MAST2: variants seen among roughly 807,000 people sequenced by gnomAD.
MAST2 encodes the protein microtubule associated serine/threonine kinase 2.
MAST2 carries 70 observed loss-of-function variants against 147.4 expected under a neutral mutation model. The ratio of observed to expected loss-of-function variants is 0.47; its 90% CI spans 0.39 to 0.58. The LOEUF (loss-of-function observed/expected upper bound fraction) is 0.58. MAST2 is among the 20% of genes least tolerant of loss of function. The pLI is 0.00. For missense variants in MAST2, 2,080 were observed against 2,302.3 expected (o/e 0.90, Z 1.98); for synonymous variants, 869 against 896.8 (o/e 0.97, Z 0.55).
At chr1:46,030,094 G>A (rs751145401) in intron 20 of MAST2, 35 bp from the exon 21 acceptor site, 2 of 1,610,178 alleles carry the variant, frequency 1.2e-6, no homozygotes, top group Non-Finnish European at 1.7e-6. Context: ...CACCAGCAGG[G>A]CTCTGAAGGA....
rs1214724338 is a variant in MAST2, at chr1:45,809,417, C to T, written c.177+5345C>T. ...CCAGCACTTTGGGAGGTTGAGCAGG[C>T]GGGTTGCTTGAGCTCAGGAGTTTGA... On this transcript the variant is annotated intron_variant, in intron 1 of 28. Coordinates refer to ENST00000361297, the MANE Select transcript of MAST2 (RefSeq NM_015112.3). Among the ~76,000 whole-genome samples, 8 of 152,162 alleles carry T rather than the reference C, an allele frequency of 5.3e-5. No homozygotes were observed. The South Asian group carries it at 8.3e-4, about 16-fold the overall frequency.
chr1:46,032,588 TG>T lies in MAST2; in HGVS notation c.3415-6del. On this transcript the variant is annotated splice_polypyrimidine_tract_variant and splice_region_variant and intron_variant, in intron 25 of 28. Coordinates refer to ENST00000361297, the MANE Select transcript of MAST2 (RefSeq NM_015112.3). ...TCCAGTCTGAGTACTGTTCTCTTCC[TG>T]GCACAGCACGTGGAGGATGGAGGTC... The T allele has an allele frequency of 6.2e-7, 1 of 1,613,748 alleles. No individual in the cohort carries two copies. Among genetic ancestry groups the T allele is most frequent in the Non-Finnish European group, 8.5e-7 (1 of 1,179,742 alleles).
chr1:45,829,524 G>A lies in MAST2; in HGVS notation c.411G>A (p.Leu137=). ...TWQSSGEASN[L]VRMRNQSLGQ... ...AGTCGTCAGGAGAAGCATCAAACCT[G>A]GTTCGAATGAGAAACCAGTCCCTTG... is the stretch of plus-strand genomic sequence containing the variant. The change falls in exon 3 of 29, where the codon CTG becomes CTA. Residue 137 remains leucine, a synonymous_variant. Coordinates refer to ENST00000361297, the MANE Select transcript of MAST2 (RefSeq NM_015112.3). 3.7e-6 allele frequency: 6 copies of A among 1,614,106 alleles called. No homozygotes were observed. Among genetic ancestry groups the A allele is most frequent in the Non-Finnish European group, 5.1e-6 (6 of 1,180,000 alleles).
intron 3 of MAST2, among the ~76,000 whole-genome samples, chr1:45,880,933 G>A (rs536977095): frequency 6.9e-6 from 1 of 145,336 alleles, no homozygotes; most frequent in African/African-American, 2.6e-5. Flanking sequence ...AACCGAGATC[G>A]GCCAGCCTGG....
intron 7 of MAST2, among the ~76,000 whole-genome samples, chr1:46,005,356 C>G (rs1323550584): frequency 1.4e-5 from 2 of 147,848 alleles, no homozygotes; most frequent in Admixed American, 1.3e-4. Context: ...GAGCGAAACT[C>G]TGTCTCAAAA....
intron 3 of MAST2, among the ~76,000 whole-genome samples, chr1:45,845,658 G>T (rs1293771781): frequency 6.6e-5 from 10 of 152,084 alleles, no homozygotes; most frequent in Non-Finnish European, 1.2e-4. Flanking sequence ...AAATCACTGG[G>T]TCTCTAATCT....
At chr1:45,990,062 A>G (rs1644800869) in intron 5 of MAST2, among the ~76,000 whole-genome samples, 2 of 152,202 alleles carry the variant, frequency 1.3e-5, no homozygotes, top group Admixed American at 6.5e-5. Context: ...GTTTTTGTGT[A>G]GACAAGTTTT....
intron 4 of MAST2, among the ~76,000 whole-genome samples, chr1:45,905,789 T>A (rs538460310): frequency 1.4e-3 from 205 of 144,492 alleles, no homozygotes; most frequent in Middle Eastern, 7.2e-3. Context: ...AAAAAAAAAA[T>A]GCCAAACTTA....
chr1:45,908,504 A>G (rs1196144481), intron 4 of MAST2, among the ~76,000 whole-genome samples: 1 of 152,100 alleles, frequency 6.6e-6, no homozygotes, highest in African/African-American at 2.4e-5. Flanking sequence ...AATTCAAAAT[A>G]TTTTCTAATT....
At chr1:45,891,576 A>G (rs908416559) in intron 4 of MAST2, among the ~76,000 whole-genome samples, 2 of 152,216 alleles carry the variant, frequency 1.3e-5, no homozygotes, top group Non-Finnish European at 2.9e-5. Flanking sequence ...AAGACAAACT[A>G]GAAGAGTATT....
intron 1 of MAST2, among the ~76,000 whole-genome samples, chr1:45,821,699 A>G (rs4994390): frequency 0.33 from 50,003 of 149,838 alleles, 8,624 homozygotes; most frequent in African/African-American, 0.41. Flanking sequence ...TTGTATTTTT[A>G]TTAGAGACGG....
At chr1:45,981,917 C>G (rs543165688) in intron 5 of MAST2, among the ~76,000 whole-genome samples, 5 of 151,090 alleles carry the variant, frequency 3.3e-5, no homozygotes, top group African/African-American at 1.2e-4. Flanking sequence ...CTCAGCTCAC[C>G]GCAACCTCTA....
intron 4 of MAST2, among the ~76,000 whole-genome samples, chr1:45,950,542 G>A (rs1403073995): frequency 6.6e-6 from 1 of 152,120 alleles, no homozygotes; most frequent in Non-Finnish European, 1.5e-5. Context: ...ACTGAAATTG[G>A]GGGTTGGAGT....
chr1:45,981,191 C>T (rs1350243498), intron 5 of MAST2, among the ~76,000 whole-genome samples: 1 of 152,122 alleles, frequency 6.6e-6, no homozygotes, highest in Admixed American at 6.5e-5. Flanking sequence ...CCCACCTCAG[C>T]CTCCTGAGTA....
intron 3 of MAST2, among the ~76,000 whole-genome samples, chr1:45,842,471 C>T (rs1216188568): frequency 6.6e-6 from 1 of 152,166 alleles, no homozygotes; most frequent in Non-Finnish European, 1.5e-5. Flanking sequence ...AGCCCTTTCT[C>T]CCCACTCCCC....
rs181208639 is a variant in MAST2, at chr1:46,008,501, A to G, written c.978+130A>G. 3.8e-4 allele frequency: 251 copies of G among 656,276 alleles called. No individual in the cohort carries two copies. The African/African-American group carries it at 4.2e-3, about 11-fold the overall frequency. 40.7% of individuals were successfully genotyped at this position (656,276 alleles called of 1,614,324 possible). On this transcript the variant is annotated intron_variant, in intron 9 of 28. Transcript: ENST00000361297. ...GAGATAACCAAGAAGAAGAACAGAA[A>G]GTCAGCCAGGAGGCTGTGGACACAG... is the stretch of plus-strand genomic sequence containing the variant.
chr1:46,000,353 G>A (rs1199010872), intron 6 of MAST2, among the ~76,000 whole-genome samples: 1 of 152,138 alleles, frequency 6.6e-6, no homozygotes, highest in Admixed American at 6.5e-5. Flanking sequence ...AGAGACTAAA[G>A]CCAGAGAACC....
chr1:45,812,425 CTTTTTTTTT>C (rs35095652), intron 1 of MAST2, among the ~76,000 whole-genome samples: 1 of 121,680 alleles, frequency 8.2e-6, no homozygotes. Context: ...ATCTGTAAGC[CTTTTTTTTT>C]TTTTTTTTTT....
intron 4 of MAST2, among the ~76,000 whole-genome samples, chr1:45,904,270 T>A (rs1435081986): frequency 6.6e-6 from 1 of 151,878 alleles, no homozygotes; most frequent in African/African-American, 2.4e-5. Context: ...GCCTCCCAGA[T>A]TCAAGCGATT....
Sources: allele counts gnomAD v4.1 joint callset (sites outside exome capture counted in the v4.1 genomes callset), GRCh38; gene constraint gnomAD v4.1.1; transcripts MANE v1.5; gene names NCBI Gene and HGNC (gene_info 2026-07-23, HGNC 2026-07-21).